PATJ: variants seen among roughly 807,000 people sequenced by gnomAD.
PATJ encodes inaD-like protein.
In PATJ, 190 loss-of-function variants were observed where a neutral mutation model predicts 224.9. That is an observed-to-expected ratio of 0.84 (90% confidence interval 0.75 to 0.95). PATJ has a LOEUF of 0.95. PATJ is among the 40% of genes least tolerant of loss of function. PATJ has a pLI of 0.00. For missense variants in PATJ, 2,121 were observed against 2,270.3 expected (o/e 0.93, Z 1.34); for synonymous variants, 769 against 820.3 (o/e 0.94, Z 1.07).
intron 7 of PATJ, among the ~76,000 whole-genome samples, chr1:61,779,451 C>T (rs747528600): frequency 7.9e-5 from 12 of 152,214 alleles, no homozygotes; most frequent in Non-Finnish European, 1.6e-4. Context: ...GGCTCACCTA[C>T]ATCATTGAGG....
chr1:61,826,010 G>A (rs1028403584), intron 15 of PATJ, among the ~76,000 whole-genome samples: 2 of 152,182 alleles, frequency 1.3e-5, no homozygotes, highest in African/African-American at 4.8e-5. Flanking sequence ...TTGACTTGCA[G>A]TTATCCCAAG....
At chr1:62,043,837 C>A (rs540929339) in intron 30 of PATJ, among the ~76,000 whole-genome samples, 2 of 152,048 alleles carry the variant, frequency 1.3e-5, no homozygotes, top group Non-Finnish European at 2.9e-5. Flanking sequence ...AAATAATATT[C>A]CTGCCTCAGC....
rs146078400 is a variant in PATJ, at chr1:61,795,542, A to G, written c.1244A>G (p.Asn415Ser). 5.0e-5 allele frequency: 80 copies of G among 1,606,922 alleles called. No individual in the cohort carries two copies. In the African/African-American group the frequency reaches 9.1e-4, roughly 18 times the overall value. Residue 415 changes from asparagine (N) to serine (S), a missense_variant, in exon 10 of 44, where the codon AAT (asparagine) becomes AGT (serine). By Grantham distance (46) the Asn-to-Ser change is conservative. Coordinates refer to ENST00000642238, the MANE Select transcript of PATJ (RefSeq NM_001350145.3). ...TACCACAATGGCCACATTCAAGTGAATGACAAAATAGTTGCTGTAAGTAAC... is the reference window on the plus strand; with the variant it reads ...TACCACAATGGCCACATTCAAGTGAGTGACAAAATAGTTGCTGTAAGTAAC... ...AAYHNGHIQV[N>S]DKIVAVDGVN... is the part of the protein sequence containing the mutation.
At chr1:61,810,972 A>G (rs1229454222) in intron 14 of PATJ, among the ~76,000 whole-genome samples, 1 of 152,150 alleles carries the variant, frequency 6.6e-6, no homozygotes. Context: ...TTACTGCATT[A>G]TAGTGTACTG....
In PATJ at chr1:62,066,012, A is replaced by T. The variant is rs1051526557; in HGVS notation, c.4126-13438A>T. On this transcript the variant is annotated intron_variant, in intron 31 of 43. Transcript: ENST00000642238. ...ACGTGTGTTGATTTTGTTATCTTTC[A>T]AAGGGAACTATAAATCTACCTTCTC... 2.6e-5 allele frequency among the ~76,000 whole-genome samples: 4 copies of T among 152,324 alleles called. 1 individual carries two copies. Among genetic ancestry groups the T allele is most frequent in the Admixed American group, 2.6e-4 (4 of 15,298 alleles).
chr1:61,900,772 G>T (rs1038541995), intron 23 of PATJ, among the ~76,000 whole-genome samples: 22 of 152,174 alleles, frequency 1.4e-4, no homozygotes, highest in African/African-American at 5.1e-4. Context: ...TGTATTTTTA[G>T]TAGAGACGGG....
chr1:62,017,828 T>G, intron 28 of PATJ, 28 bp from the exon 29 acceptor site: 1 of 1,168,032 alleles, frequency 8.6e-7, no homozygotes, highest in Non-Finnish European at 1.3e-6. Context: ...CATGTATAAT[T>G]TAGTACATTG....
chr1:61,882,508 A>T (rs1303702882), intron 21 of PATJ, among the ~76,000 whole-genome samples: 3 of 152,184 alleles, frequency 2.0e-5, no homozygotes, highest in African/African-American at 7.2e-5. Flanking sequence ...TCCAGTTTGT[A>T]TGAAACGCTA....
At chr1:61,929,764 A>G (rs1423839432) in intron 27 of PATJ, among the ~76,000 whole-genome samples, 3 of 152,226 alleles carry the variant, frequency 2.0e-5, no homozygotes, top group African/African-American at 7.2e-5. Flanking sequence ...TCACGCCTGT[A>G]ATTCCAGCAC....
Position 61,797,339 on chromosome 1 carries a change from T to G in PATJ, c.1313T>G (p.Leu438Ter). ...GCCAACCATGATGTTGTTGAAGTAT[T>G]ACGAAATGCAGGGCAGGTGGTACAC... Reference protein sequence around the residue: ...GFANHDVVEVLRNAGQVVHLT... With the variant: ...GFANHDVVEV Residue 438 changes from leucine to a stop codon, truncating the protein, a stop_gained, in exon 11 of 44, where the codon TTA becomes TGA. Transcript: ENST00000642238. LOFTEE classifies it high-confidence loss of function. 6.2e-7 allele frequency: 1 copy of G among 1,614,032 alleles called. No homozygotes were observed. The highest frequency in any genetic ancestry group is 8.5e-7 in the Non-Finnish European group (1 of 1,179,900).
At chr1:61,767,259 G>A (rs1051176432) in intron 4 of PATJ, among the ~76,000 whole-genome samples, 2 of 152,094 alleles carry the variant, frequency 1.3e-5, no homozygotes, top group African/African-American at 4.8e-5. Flanking sequence ...ATGAAATGAA[G>A]TTTGAATGTG....
intron 29 of PATJ, among the ~76,000 whole-genome samples, chr1:62,030,671 C>T (rs1407841412): frequency 6.6e-6 from 1 of 152,184 alleles, no homozygotes; most frequent in African/African-American, 2.4e-5. Flanking sequence ...TGTCCCTTTA[C>T]AGTCACTCTC....
intron 27 of PATJ, among the ~76,000 whole-genome samples, chr1:61,959,093 T>C (rs915724334): frequency 1.3e-5 from 2 of 151,990 alleles, no homozygotes; most frequent in Non-Finnish European, 2.9e-5. Context: ...TATTATATCA[T>C]CCATAAAATC....
At chr1:61,822,291 G>A (rs777279324) in intron 14 of PATJ, among the ~76,000 whole-genome samples, 2 of 151,974 alleles carry the variant, frequency 1.3e-5, no homozygotes, top group Non-Finnish European at 2.9e-5. Context: ...GCATGGTGGC[G>A]CACGCCTGTA....
At chr1:61,743,495 T>G (rs1055721389) in intron 1 of PATJ, among the ~76,000 whole-genome samples, 5 of 152,174 alleles carry the variant, frequency 3.3e-5, no homozygotes, top group Non-Finnish European at 7.4e-5. Flanking sequence ...TGGCTATTGG[T>G]AGGTGCGCGA....
At chr1:61,747,694 A>T (rs1645093955) in intron 1 of PATJ, among the ~76,000 whole-genome samples, 1 of 152,178 alleles carries the variant, frequency 6.6e-6, no homozygotes, top group African/African-American at 2.4e-5. Context: ...AGCTGAACTG[A>T]TGAAGTCTTT....
Position 62,163,005 on chromosome 1 carries a change from C to T in PATJ, c.*1951C>T. 1 of 312,184 alleles carries T rather than the reference C, an allele frequency of 3.2e-6. No homozygotes were observed. The highest frequency in any genetic ancestry group is 6.4e-6 in the Non-Finnish European group (1 of 157,052). The allele number at this position is 312,184 out of a possible 1,614,324, so 19.3% of individuals were successfully genotyped here. A position where few individuals can be genotyped will look rare whatever the true frequency, so the allele number is the denominator to read the frequency against. ...AGAGTCAGTAATAGAAGTAGTTCAGCATTATTTAACTACAACACAATGCTG... is the reference window on the plus strand; with the variant it reads ...AGAGTCAGTAATAGAAGTAGTTCAGTATTATTTAACTACAACACAATGCTG... On this transcript the variant is annotated 3_prime_UTR_variant, in exon 44 of 44. Coordinates refer to ENST00000642238, the MANE Select transcript of PATJ (RefSeq NM_001350145.3).
intron 8 of PATJ, among the ~76,000 whole-genome samples, chr1:61,790,521 TTTTTTTG>T (rs1461154609): frequency 6.8e-6 from 1 of 146,818 alleles, no homozygotes; most frequent in African/African-American, 2.5e-5. Flanking sequence ...TTTTGTTTTT[TTTTTTTG>T]TTTGAGACAG....
In PATJ at chr1:61,827,427, T is replaced by C. The variant is rs2148753092; in HGVS notation, c.1824T>C (p.Asn608=). ...TTATCCCCTTGTCTTCCTAGGTCAA[T>C]GGCATGCAGCTTTATGGAAAATCTC... ...LQPEDELLEV[N]GMQLYGKSRR... Residue 608 remains asparagine, a synonymous_variant, in exon 16 of 44, where the codon AAT becomes AAC. Transcript: ENST00000642238. 1.2e-6 allele frequency: 2 copies of C among 1,613,840 alleles called. No homozygotes were observed. The highest frequency in any genetic ancestry group is 1.7e-6 in the Non-Finnish European group (2 of 1,179,874).
Sources: gnomAD v4.1 joint callset for allele counts (sites outside exome capture counted in the v4.1 genomes callset) on GRCh38, gnomAD v4.1.1 for gene constraint, MANE v1.5 for transcripts, NCBI Gene and HGNC (gene_info 2026-07-23, HGNC 2026-07-21) for gene names.